SCAPER: variants seen among roughly 807,000 people sequenced by gnomAD.
SCAPER encodes the protein S phase cyclin A-associated protein in the endoplasmic reticulum.
In SCAPER, 98 loss-of-function variants were observed where a neutral mutation model predicts 182.2. The observed-to-expected ratio is 0.54, with a 90% CI of 0.46 to 0.64. SCAPER has a LOEUF of 0.64. Ranked by LOEUF, SCAPER falls within the 30% of genes least tolerant of loss-of-function variation. The probability of loss-of-function intolerance (pLI) is 0.00; values close to 1 mark genes in which losing one functional copy is unlikely to be tolerated. For synonymous variants in SCAPER, 605 were observed against 564.6 expected, an observed-to-expected ratio of 1.07 and a Z score of -1.01; for missense variants, 1,432 against 1,690.0, an observed-to-expected ratio of 0.85 and a Z score of 2.68.
intron 5 of SCAPER, among the ~76,000 whole-genome samples, chr15:76,810,513 A>G (rs1321529163): frequency 6.7e-6 from 1 of 148,258 alleles, no homozygotes; most frequent in Non-Finnish European, 1.5e-5. Context: ...CAAAAGAAAG[A>G]GGAAGGAATC....
At chr15:76,703,730 T>C (rs562328374) in intron 18 of SCAPER, among the ~76,000 whole-genome samples, 20 of 152,218 alleles carry the variant, frequency 1.3e-4, no homozygotes, top group Admixed American at 3.9e-4. Context: ...CAGCATTTCA[T>C]GTATGCCTCT....
At chr15:76,531,164 C>T (rs1175234880) in intron 23 of SCAPER, among the ~76,000 whole-genome samples, 1 of 152,044 alleles carries the variant, frequency 6.6e-6, no homozygotes, top group Non-Finnish European at 1.5e-5. Context: ...TCCAAGAATA[C>T]TGGTACTTCT....
At chr15:76,440,409 T>C (rs1293444993) in intron 25 of SCAPER, among the ~76,000 whole-genome samples, 2 of 152,258 alleles carry the variant, frequency 1.3e-5, no homozygotes, top group Non-Finnish European at 2.9e-5. Context: ...ATGCTTTTAT[T>C]AGTAATAGAA....
intron 21 of SCAPER, among the ~76,000 whole-genome samples, chr15:76,636,993 AC>A (rs1313367612): frequency 1.3e-5 from 2 of 152,142 alleles, no homozygotes; most frequent in South Asian, 2.1e-4. Context: ...TTAAAAAAAA[AC>A]AGCTTTGAGA....
chr15:76,425,349 G>A (rs912651425), intron 26 of SCAPER, among the ~76,000 whole-genome samples: 26 of 151,910 alleles, frequency 1.7e-4, no homozygotes, highest in Non-Finnish European at 2.6e-4. Context: ...TTCTCTTCTC[G>A]CTTCATTTCA....
chr15:76,428,838 C>A (rs945110667), intron 26 of SCAPER, among the ~76,000 whole-genome samples: 24 of 126,800 alleles, frequency 1.9e-4, no homozygotes, highest in Non-Finnish European at 2.9e-4. Flanking sequence ...GTTATGAACA[C>A]AATAGGTATC....
intron 17 of SCAPER, among the ~76,000 whole-genome samples, chr15:76,710,162 G>C (rs566769470): frequency 3.1e-4 from 47 of 152,242 alleles, no homozygotes; most frequent in Non-Finnish European, 6.0e-4. Flanking sequence ...GCAATCCAGT[G>C]CAAGAGGGCA....
At position 76,902,495 on chromosome 15, in the gene SCAPER, T is replaced by A. The variant is rs199537435; in HGVS notation, c.-60+2804A>T. The stretch of plus-strand genomic sequence containing the variant: ...TCTACTATATAAGTTGAATTTTTTT[T>A]TAAAAAAAGGTTACCATCCAGCAGA... On this transcript the variant is annotated intron_variant, in intron 1 of 31. Transcript: ENST00000563290. Among the ~76,000 whole-genome samples the A allele has an allele frequency of 1.3e-3, 201 of 152,282 alleles. 2 individuals carry two copies. The highest frequency in any genetic ancestry group is 0.01 in the East Asian group (52 of 5,182).
At chr15:76,535,031 G>C (rs2044011727) in intron 23 of SCAPER, among the ~76,000 whole-genome samples, 1 of 152,098 alleles carries the variant, frequency 6.6e-6, no homozygotes, top group African/African-American at 2.4e-5. Flanking sequence ...AAAAGTCAGA[G>C]TCCAAAACAA....
intron 14 of SCAPER, among the ~76,000 whole-genome samples, 194 bp downstream of exon 14, chr15:76,764,767 A>G (rs2063011641): frequency 6.6e-6 from 1 of 152,200 alleles, no homozygotes; most frequent in South Asian, 2.1e-4. Context: ...CAAAATATCA[A>G]TTTACTAGAT....
chr15:76,765,726 T>C (rs1202263325), intron 11 of SCAPER, 88 bp from the exon 12 acceptor site: 1 of 1,047,876 alleles, frequency 9.5e-7, no homozygotes, highest in African/African-American at 1.6e-5. Context: ...ATGTCCTACC[T>C]ATTGTTAATA....
At chr15:76,871,471 A>C (rs12900071) in intron 2 of SCAPER, among the ~76,000 whole-genome samples, 1 of 150,456 alleles carries the variant, frequency 6.6e-6, no homozygotes, top group Non-Finnish European at 1.5e-5. Context: ...AATAAATAAC[A>C]CAGTCACCTG....
At position 76,712,087 on chromosome 15, in the gene SCAPER, C is replaced by T. The variant is rs577016039; in HGVS notation, c.2166-6103G>A. Reference sequence around the variant, plus strand: ...TGGTTTTAGGTCTGATATTTAAGTCCTTAATCCATCTTGAATTAATTTTTG... The same window carrying T: ...TGGTTTTAGGTCTGATATTTAAGTCTTTAATCCATCTTGAATTAATTTTTG... On this transcript the variant is annotated intron_variant, in intron 17 of 31. Coordinates refer to ENST00000563290, the MANE Select transcript of SCAPER (RefSeq NM_020843.4). Among the ~76,000 whole-genome samples the T allele has an allele frequency of 7.3e-5, 11 of 151,518 alleles. No homozygotes were observed. In the East Asian group the frequency reaches 1.4e-3, roughly 19 times the overall value.
intron 4 of SCAPER, among the ~76,000 whole-genome samples, chr15:76,842,661 C>A (rs1175603693): frequency 6.6e-6 from 1 of 152,174 alleles, no homozygotes; most frequent in Non-Finnish European, 1.5e-5. Flanking sequence ...CCCATGGATA[C>A]TGAGGAACAA....
chr15:76,895,010 A>G (rs963144500), intron 1 of SCAPER, among the ~76,000 whole-genome samples: 18 of 152,224 alleles, frequency 1.2e-4, no homozygotes, highest in African/African-American at 4.3e-4. Context: ...ACTGAAGAAA[A>G]TATTTCCAAA....
In SCAPER at chr15:76,545,102, G is replaced by A. The variant is rs73455126; in HGVS notation, c.2838+29056C>T. The stretch of plus-strand genomic sequence containing the variant: ...TAGTACCCTAGAAACCTTCAATGGG[G>A]GCCAATGAGATTTTTTTCCTCTTAA... On this transcript the variant is annotated intron_variant, in intron 23 of 31. Coordinates refer to ENST00000563290, the MANE Select transcript of SCAPER (RefSeq NM_020843.4). 4.4e-3 allele frequency among the ~76,000 whole-genome samples: 667 copies of A among 152,102 alleles called. 8 individuals are homozygous for A. The highest frequency in any genetic ancestry group is 0.015 in the African/African-American group (635 of 41,498).
intron 26 of SCAPER, among the ~76,000 whole-genome samples, chr15:76,409,588 T>C (rs1449302523): frequency 6.6e-6 from 1 of 151,834 alleles, no homozygotes; most frequent in East Asian, 1.9e-4. Flanking sequence ...AATATATCCA[T>C]GTATTATGTA....
At chr15:76,839,892 T>C (rs191988111) in intron 5 of SCAPER, among the ~76,000 whole-genome samples, 2 of 152,314 alleles carry the variant, frequency 1.3e-5, no homozygotes, top group Admixed American at 6.5e-5. Context: ...AAAGTATATA[T>C]ATTTTTAAGT....
chr15:76,848,021 T>C (rs1021714233), intron 4 of SCAPER, among the ~76,000 whole-genome samples: 1 of 152,334 alleles, frequency 6.6e-6, no homozygotes. Flanking sequence ...TTTTTTCTTT[T>C]TTTTGAGAAG....
Sources: gnomAD v4.1 joint callset for allele counts (sites outside exome capture counted in the v4.1 genomes callset) on GRCh38, gnomAD v4.1.1 for gene constraint, MANE v1.5 for transcripts, NCBI Gene and HGNC (gene_info 2026-07-23, HGNC 2026-07-21) for gene names.